The following ABCC1 variants were observed in gnomAD, a reference collection of about 807,000 sequenced individuals.
ABCC1 encodes the protein ATP binding cassette subfamily C member 1 (ABCC1 blood group), also known as multidrug resistance-associated protein 1.
Under a neutral mutation model 172.9 loss-of-function variants are expected in ABCC1, and 83 were observed. The ratio of observed to expected loss-of-function variants is 0.48; its 90% CI spans 0.40 to 0.58. ABCC1 has a LOEUF of 0.58. Among genes scored for constraint, ABCC1 ranks in the 20% least tolerant of loss-of-function variants. The pLI, the probability that ABCC1 is intolerant of heterozygous loss-of-function variation, is 0.00. For missense variants in ABCC1, 1,817 were observed against 2,002.7 expected (o/e 0.91, Z 1.77); for synonymous variants, 937 against 825.2 (o/e 1.14, Z -2.32).
intron 7 of ABCC1, among the ~76,000 whole-genome samples, chr16:16,041,417 C>A (rs562566806): frequency 6.6e-6 from 1 of 152,072 alleles, no homozygotes; most frequent in Non-Finnish European, 1.5e-5. Context: ...GGCTTGAAAG[C>A]GGGCCACCTG....
At chr16:16,005,643 G>GCCA (rs1248437301) in intron 1 of ABCC1, among the ~76,000 whole-genome samples, 2 of 152,120 alleles carry the variant, frequency 1.3e-5, no homozygotes, top group Non-Finnish European at 2.9e-5. Context: ...ACTGCGCCCA[G>GCCA]AAGATTTTCT....
At chr16:16,141,148 C>G in intron 30 of ABCC1, 25 bp from the exon 31 acceptor site, 1 of 1,607,748 alleles carries the variant, frequency 6.2e-7, no homozygotes, top group South Asian at 1.1e-5. Flanking sequence ...CCCTTCCCCT[C>G]ATGTCTGTAT....
In ABCC1 at chr16:16,115,033, C is replaced by T. The variant is rs1279303413; in HGVS notation, c.3347C>T (p.Ala1116Val). Residue 1116 changes from alanine (A) to valine (V), a missense_variant, in exon 23 of 31, where the codon GCC becomes GTC. Physicochemically the swap from Ala to Val is moderately conservative, Grantham distance 64. Around this residue, in one of 3 missense-constraint regions of ABCC1, gnomAD observed 1,412 missense variants for 1,600.3 expected, o/e 0.88. Transcript: ENST00000399410. Reference protein sequence around the residue: ...IVILLATPIAAIIIPPLGLIY... With the variant: ...IVILLATPIAVIIIPPLGLIY... ...ATCCTGCTGGCCACGCCCATCGCCG[C>T]CATCATCATCCCGCCCCTTGGCCTC... is the stretch of plus-strand genomic sequence containing the variant. The T allele has an allele frequency of 1.2e-6, 2 of 1,614,102 alleles. No individual in the cohort carries two copies. Among genetic ancestry groups the T allele is most frequent in the African/African-American group, 1.3e-5 (1 of 74,934 alleles).
At chr16:15,993,816 G>A (rs1006676152) in intron 1 of ABCC1, among the ~76,000 whole-genome samples, 1 of 152,140 alleles carries the variant, frequency 6.6e-6, no homozygotes, top group Non-Finnish European at 1.5e-5. Context: ...TTGCTTCTCT[G>A]CTCTAGGGAG....
At chr16:16,013,206 C>G (rs2047859891) in intron 3 of ABCC1, among the ~76,000 whole-genome samples, 1 of 151,890 alleles carries the variant, frequency 6.6e-6, no homozygotes, top group Non-Finnish European at 1.5e-5. Context: ...AACATTCTGA[C>G]TATATCCCAG....
At chr16:16,047,820 C>T (rs2049275452) in intron 9 of ABCC1, among the ~76,000 whole-genome samples, 1 of 151,202 alleles carries the variant, frequency 6.6e-6, no homozygotes, top group South Asian at 2.1e-4. Context: ...AAAACAACTC[C>T]CCCCACCCCC....
intron 14 of ABCC1, 23 bp from the exon 15 acceptor site, chr16:16,076,303 T>C: frequency 6.2e-7 from 1 of 1,611,842 alleles, no homozygotes; most frequent in Non-Finnish European, 8.5e-7. Context: ...AGCCTGTCCC[T>C]GACATGTCTC....
intron 1 of ABCC1, among the ~76,000 whole-genome samples, chr16:15,968,490 C>T (rs1243848170): frequency 6.6e-6 from 1 of 152,012 alleles, no homozygotes; most frequent in Non-Finnish European, 1.5e-5. Flanking sequence ...CTCACTGCAG[C>T]CTTCACCTGC....
chr16:16,008,008 G>T lies in ABCC1; in HGVS notation c.225+16G>T. Reference sequence around the variant, plus strand: ...AACCAAAACTGTAAGTCACTGGGGGGTTTCGTTGTGGGGGGTGGGAAGGTG... The same window carrying T: ...AACCAAAACTGTAAGTCACTGGGGGTTTTCGTTGTGGGGGGTGGGAAGGTG... On this transcript the variant is annotated intron_variant, in intron 2 of 30. Transcript: ENST00000399410. The T allele has an allele frequency of 5.5e-6, 3 of 547,226 alleles. No individual in the cohort carries two copies. Among genetic ancestry groups the T allele is most frequent in the Non-Finnish European group, 6.4e-6 (2 of 314,690 alleles). 33.9% of individuals were successfully genotyped at this position (547,226 alleles called of 1,614,324 possible). A position where few individuals can be genotyped will look rare whatever the true frequency, so the allele number is the denominator to read the frequency against.
At chr16:16,035,835 G>A (rs1017897615) in intron 6 of ABCC1, among the ~76,000 whole-genome samples, 2 of 151,322 alleles carry the variant, frequency 1.3e-5, no homozygotes, top group Non-Finnish European at 2.9e-5. Context: ...AAAAGTTGGC[G>A]GGGCACGGTG....
intron 1 of ABCC1, among the ~76,000 whole-genome samples, chr16:15,967,291 G>A (rs1021295101): frequency 6.6e-6 from 1 of 152,088 alleles, no homozygotes; most frequent in African/African-American, 2.4e-5. Flanking sequence ...AATCAGTATA[G>A]ACGATTCAGG....
chr16:15,995,404 G>C (rs1285148221), intron 1 of ABCC1, among the ~76,000 whole-genome samples: 1 of 152,156 alleles, frequency 6.6e-6, no homozygotes, highest in African/African-American at 2.4e-5. Flanking sequence ...TCTTGGCCCA[G>C]AGGCCCTTTC....
chr16:16,070,747 T>C (rs943900342), intron 13 of ABCC1, among the ~76,000 whole-genome samples: 2 of 152,170 alleles, frequency 1.3e-5, no homozygotes, highest in African/African-American at 4.8e-5. Context: ...TGTCCCTCTT[T>C]CCCTTCATTT....
chr16:16,059,405 G>T (rs1401779324), intron 12 of ABCC1, among the ~76,000 whole-genome samples: 1 of 152,184 alleles, frequency 6.6e-6, no homozygotes, highest in African/African-American at 2.4e-5. Flanking sequence ...AAATCGATGG[G>T]TGTGGCTGTG....
At chr16:16,091,952 C>G (rs1465317441) in intron 19 of ABCC1, among the ~76,000 whole-genome samples, 1 of 152,074 alleles carries the variant, frequency 6.6e-6, no homozygotes, top group Non-Finnish European at 1.5e-5. Context: ...AATTCACACA[C>G]GTAGGCTGGG....
rs541010495 is a variant in ABCC1, at chr16:16,054,363, C to T, written c.1473+1547C>T. 1.2e-4 allele frequency among the ~76,000 whole-genome samples: 19 copies of T among 152,218 alleles called. No individual in the cohort carries two copies. The South Asian group carries it at 1.7e-3, about 13-fold the overall frequency. On this transcript the variant is annotated intron_variant, in intron 11 of 30. Coordinates refer to ENST00000399410, the MANE Select transcript of ABCC1 (RefSeq NM_004996.4). ...TGGCAGCATGATTTTTGTCCTTTAG[C>T]GCCCTGCTTTGGGGACCTCTCTGTG...
In ABCC1 at chr16:16,044,662, C is replaced by T. The variant is rs372116954; in HGVS notation, c.1022C>T (p.Ser341Phe). 180 of 1,614,000 alleles carry T rather than the reference C, an allele frequency of 1.1e-4. No individual in the cohort carries two copies. Among genetic ancestry groups the T allele is most frequent in the Non-Finnish European group, 1.4e-4 (169 of 1,180,006 alleles). The stretch of plus-strand genomic sequence containing the variant: ...GCCATCCACGACCTGATGATGTTTT[C>T]CGGGCCGCAGATCTTAAAGTAAGAC... The part of the protein sequence containing the change: ...FKAIHDLMMF[S>F]GPQILKLLIK... The change falls in exon 8 of 31, where the codon TCC becomes TTC. Residue 341 changes from serine to phenylalanine, a missense_variant. Physicochemically the swap from Ser to Phe is radical, Grantham distance 155 (BLOSUM62 -2). This residue lies in a region of ABCC1 where 1,412 missense variants were observed against 1,600.3 expected (regional missense o/e 0.88). Coordinates refer to ENST00000399410, the MANE Select transcript of ABCC1 (RefSeq NM_004996.4).
At chr16:15,952,916 T>C (rs1369084547) in intron 1 of ABCC1, among the ~76,000 whole-genome samples, 1 of 148,232 alleles carries the variant, frequency 6.7e-6, no homozygotes, top group Non-Finnish European at 1.5e-5. Context: ...GTGTGGCACC[T>C]GTGGTCCCGG....
chr16:15,962,694 C>G (rs1027492752), intron 1 of ABCC1, among the ~76,000 whole-genome samples: 2 of 152,202 alleles, frequency 1.3e-5, no homozygotes, highest in African/African-American at 4.8e-5. Context: ...ATCAGATCTT[C>G]TGAGGACTCA....
Sources: gnomAD v4.1 joint callset for allele counts (sites outside exome capture counted in the v4.1 genomes callset) on GRCh38, gnomAD v4.1.1 for gene constraint, gnomAD v4.1.1 regional missense constraint, MANE v1.5 for transcripts, NCBI Gene and HGNC (gene_info 2026-07-23, HGNC 2026-07-21) for gene names.